Variants in PPARGC1A observed in about 807,000 individuals in gnomAD.
PPARGC1A encodes the protein PPARG coactivator 1 alpha, also known as peroxisome proliferator-activated receptor gamma coactivator 1-alpha.
Under a neutral mutation model 88.7 loss-of-function variants are expected in PPARGC1A, and 25 were observed. The ratio of observed to expected loss-of-function variants is 0.28; its 90% CI spans 0.21 to 0.39. The LOEUF is 0.39. Among genes scored for constraint, PPARGC1A ranks in the 10% least tolerant of loss-of-function variants. PPARGC1A has a pLI of 1.00. For missense variants in PPARGC1A, 880 were observed against 968.7 expected (o/e 0.91, Z 1.22); for synonymous variants, 363 against 355.6 (o/e 1.02, Z -0.24).
the PPARGC1A span, among the ~76,000 whole-genome samples, chr4:23,998,117 G>A: frequency 1.3e-5 from 2 of 152,190 alleles, no homozygotes; most frequent in African/African-American, 4.8e-5. Context: ...CCCCTGGCAG[G>A]TGGACAGAAA....
At chr4:23,975,400 T>C in the PPARGC1A span, among the ~76,000 whole-genome samples, 2 of 142,528 alleles carry the variant, frequency 1.4e-5, no homozygotes, top group African/African-American at 5.2e-5. Flanking sequence ...CTCTTCCTGA[T>C]CTAAACTATG....
chr4:23,923,072 T>A, the PPARGC1A span, among the ~76,000 whole-genome samples: 1 of 152,170 alleles, frequency 6.6e-6, no homozygotes, highest in Non-Finnish European at 1.5e-5. Context: ...GGTTGTTTTT[T>A]TCTAAAAACA....
the PPARGC1A span, among the ~76,000 whole-genome samples, chr4:24,458,979 G>A: frequency 5.3e-5 from 8 of 151,994 alleles, no homozygotes; most frequent in Non-Finnish European, 1.2e-4. Context: ...GTATTTAGAC[G>A]ATGTATGGTT....
the PPARGC1A span, among the ~76,000 whole-genome samples, chr4:24,306,722 C>T: frequency 6.6e-6 from 1 of 152,150 alleles, no homozygotes; most frequent in Non-Finnish European, 1.5e-5. Context: ...GTGTTATTTA[C>T]AGAAACAGGT....
At chr4:24,188,829 A>G in the PPARGC1A span, among the ~76,000 whole-genome samples, 1 of 152,100 alleles carries the variant, frequency 6.6e-6, no homozygotes, top group Non-Finnish European at 1.5e-5. Flanking sequence ...GGGTCTCAAA[A>G]ATATATTTAT....
At chr4:24,436,777 C>T in the PPARGC1A span, among the ~76,000 whole-genome samples, 1 of 142,470 alleles carries the variant, frequency 7.0e-6, no homozygotes, top group East Asian at 2.0e-4. Context: ...CACCCCAGAG[C>T]CCGGGTCACA....
At chr4:24,102,052 C>T in the PPARGC1A span, among the ~76,000 whole-genome samples, 1 of 152,124 alleles carries the variant, frequency 6.6e-6, no homozygotes, top group African/African-American at 2.4e-5. Flanking sequence ...GCTGCACGAC[C>T]CCAGGGATCC....
chr4:24,246,520 T>C, the PPARGC1A span, among the ~76,000 whole-genome samples: 1 of 152,084 alleles, frequency 6.6e-6, no homozygotes, highest in Non-Finnish European at 1.5e-5. Context: ...GAGGCTGAGA[T>C]GGGAGGATCG....
Position 23,813,046 on chromosome 4 carries a change from T to C in PPARGC1A, c.1873A>G (p.Arg625Gly). The change falls in exon 9 of 13, where the codon AGA (arginine) becomes GGA (glycine). Residue 625 changes from arginine to glycine, a missense_variant. By Grantham distance (125) the Arg-to-Gly change is moderately radical. Coordinates refer to ENST00000264867, the MANE Select transcript of PPARGC1A (RefSeq NM_013261.5). ...CTGGGCCGACGGCTGTAGGGCGATC[T>C]TGAACGTGATCTCACATACAAGGGA... ...NSPLYVRSRS[R>G]SPYSRRPRYD... 2 of 1,614,108 alleles carry C rather than the reference T, an allele frequency of 1.2e-6. No homozygotes were observed. Among genetic ancestry groups the C allele is most frequent in the Non-Finnish European group, 8.5e-7 (1 of 1,179,990 alleles).
the PPARGC1A span, among the ~76,000 whole-genome samples, chr4:24,174,806 T>C: frequency 2.0e-5 from 3 of 152,210 alleles, no homozygotes; most frequent in African/African-American, 7.2e-5. Flanking sequence ...CATGTGGGAC[T>C]AGTCATGGGA....
the PPARGC1A span, among the ~76,000 whole-genome samples, chr4:24,096,087 C>T: frequency 6.6e-6 from 1 of 152,042 alleles, no homozygotes; most frequent in Admixed American, 6.6e-5. Flanking sequence ...TGGATTTTCC[C>T]CTTGCTGTTC....
chr4:23,920,226 G>A, the PPARGC1A span, among the ~76,000 whole-genome samples: 96 of 152,168 alleles, frequency 6.3e-4, no homozygotes, highest in Non-Finnish European at 1.1e-3. Flanking sequence ...AACAGTATGG[G>A]TTAAGATCAA....
the PPARGC1A span, among the ~76,000 whole-genome samples, chr4:24,345,172 T>C: frequency 6.6e-6 from 1 of 152,312 alleles, no homozygotes; most frequent in Non-Finnish European, 1.5e-5. Context: ...ATAGGATAGT[T>C]TGAGATCAGG....
the PPARGC1A span, among the ~76,000 whole-genome samples, chr4:24,385,929 G>A: frequency 1.3e-5 from 2 of 152,052 alleles, no homozygotes; most frequent in Non-Finnish European, 1.5e-5. Context: ...ACCTGGCAGA[G>A]ACACAACAAA....
the PPARGC1A span, among the ~76,000 whole-genome samples, chr4:23,914,728 C>T: frequency 3.2e-4 from 48 of 152,296 alleles, no homozygotes; most frequent in African/African-American, 1.1e-3. Context: ...GCAGTCAGTG[C>T]GGCCTGAACC....
the PPARGC1A span, among the ~76,000 whole-genome samples, chr4:24,037,693 A>G: frequency 1.3e-5 from 2 of 152,196 alleles, no homozygotes; most frequent in Non-Finnish European, 2.9e-5. Flanking sequence ...GCATCTGTAC[A>G]TGTGAATGTG....
At chr4:24,211,524 G>A in the PPARGC1A span, among the ~76,000 whole-genome samples, 2 of 152,152 alleles carry the variant, frequency 1.3e-5, no homozygotes, top group South Asian at 4.2e-4. Flanking sequence ...AGGTGTATCT[G>A]CCCTATGTGC....
At chr4:23,990,011 CTT>C in the PPARGC1A span, among the ~76,000 whole-genome samples, 5 of 144,268 alleles carry the variant, frequency 3.5e-5, no homozygotes, top group East Asian at 1.0e-3. Context: ...AGATATGTAT[CTT>C]ATATATAGAT....
the PPARGC1A span, among the ~76,000 whole-genome samples, chr4:24,181,682 G>C: frequency 3.9e-5 from 6 of 152,112 alleles, no homozygotes; most frequent in African/African-American, 1.2e-4. Flanking sequence ...GTAGATGTCA[G>C]AATGAAAATT....
Sources: allele counts gnomAD v4.1 joint callset (sites outside exome capture counted in the v4.1 genomes callset), GRCh38; gene constraint gnomAD v4.1.1; transcripts MANE v1.5; gene names NCBI Gene and HGNC (gene_info 2026-07-23, HGNC 2026-07-21).